LCMT1: variants seen among roughly 807,000 people sequenced by gnomAD.
LCMT1 encodes the protein [Phosphatase 2A protein]-leucine-carboxy methyltransferase 1.
A neutral mutation model predicts 47.7 loss-of-function variants in LCMT1; 32 were observed. That is an observed-to-expected ratio of 0.67 (90% confidence interval 0.51 to 0.90). LCMT1 has a LOEUF of 0.90. LCMT1 is among the 40% of genes least tolerant of loss of function. The probability of loss-of-function intolerance (pLI) is 0.00; values close to 1 mark genes in which losing one functional copy is unlikely to be tolerated. For synonymous variants in LCMT1, 152 were observed against 149.7 expected (o/e 1.02, Z -0.11); for missense variants, 375 against 415.2 (o/e 0.90, Z 0.84).
At chr16:25,115,492 A>C (rs745787473) in intron 1 of LCMT1, among the ~76,000 whole-genome samples, 1 of 152,116 alleles carries the variant, frequency 6.6e-6, no homozygotes, top group Non-Finnish European at 1.5e-5. Flanking sequence ...GAACCTGACT[A>C]TCCTAGTTTG....
At chr16:25,175,597 A>C (rs904452908) in intron 10 of LCMT1, among the ~76,000 whole-genome samples, 10 of 151,894 alleles carry the variant, frequency 6.6e-5, no homozygotes, top group African/African-American at 1.7e-4. Context: ...GCACCATTGC[A>C]CTCCAGCCCG....
chr16:25,170,686 C>G (rs759138563), intron 8 of LCMT1, 28 bp from the exon 9 acceptor site: 11 of 1,565,034 alleles, frequency 7.0e-6, no homozygotes, highest in Admixed American at 5.1e-5. Flanking sequence ...TTCTCTAGTT[C>G]TCCATTTCTC....
intron 10 of LCMT1, 69 bp from the exon 11 acceptor site, chr16:25,177,932 G>A (rs1347513449): frequency 1.4e-6 from 2 of 1,405,436 alleles, no homozygotes; most frequent in African/African-American, 1.4e-5. Context: ...GGTCACTGGG[G>A]GTCCTCTAGG....
chr16:25,157,913 G>A (rs76276629), intron 5 of LCMT1, among the ~76,000 whole-genome samples: 8,050 of 152,212 alleles, frequency 0.053, 229 homozygotes, highest in East Asian at 0.13. Flanking sequence ...AACACACTCA[G>A]CAGTTCTTTT....
rs60975061 is a variant in LCMT1 at position 25,152,541 on chromosome 16, A to T, written c.466+926A>T. ...GTCCTTAGGTCTCTAATCTTCAGTC[A>T]TTCTGTAAAGACCTTGAGTTAGTTG... On this transcript the variant is annotated intron_variant, in intron 5 of 10. Coordinates refer to ENST00000399069, the MANE Select transcript of LCMT1 (RefSeq NM_016309.3). Among the ~76,000 whole-genome samples, 1,335 of 152,308 alleles carry T rather than the reference A, an allele frequency of 8.8e-3. 19 individuals carry two copies. The highest frequency in any genetic ancestry group is 0.031 in the African/African-American group (1,272 of 41,564).
chr16:25,151,730 T>A, intron 5 of LCMT1, 115 bp downstream of exon 5: 2 of 593,562 alleles, frequency 3.4e-6, no homozygotes, highest in Non-Finnish European at 5.8e-6. Context: ...TGTGGTGTTA[T>A]ACAATGTATT....
intron 7 of LCMT1, among the ~76,000 whole-genome samples, chr16:25,166,119 A>G (rs1961580784): frequency 6.6e-6 from 1 of 151,710 alleles, no homozygotes; most frequent in Admixed American, 6.6e-5. Flanking sequence ...AAAATACAAA[A>G]ATTAGCCAGG....
At chr16:25,160,487 G>T (rs548789703) in intron 5 of LCMT1, among the ~76,000 whole-genome samples, 5 of 152,230 alleles carry the variant, frequency 3.3e-5, no homozygotes, top group South Asian at 2.1e-4. Context: ...ACACAAATTG[G>T]CGTAACATTT....
intron 2 of LCMT1, 100 bp downstream of exon 2, chr16:25,128,666 T>G: frequency 1.2e-6 from 1 of 815,780 alleles, no homozygotes; most frequent in Non-Finnish European, 2.0e-6. Context: ...TTTCCAGCTG[T>G]GCGCAAAAGT....
rs1311734272 is a variant in LCMT1 at position 25,128,523 on chromosome 16, T to C, written c.162T>C (p.Phe54=). The part of the protein sequence containing the change: ...GYWHDPYIQH[F]VRLSKERKAP... ...GGCATGACCCTTACATACAGCACTT[T>C]GTGAGACTGTCTAAAGAGAGGAAAG... Residue 54 remains phenylalanine, a synonymous_variant, in exon 2 of 11, where the codon TTT becomes TTC. Transcript: ENST00000399069. 6.2e-7 allele frequency: 1 copy of C among 1,610,138 alleles called. No homozygotes were observed. The highest frequency in any genetic ancestry group is 1.7e-5 in the Admixed American group (1 of 59,438).
chr16:25,145,314 GA>G (rs1188343420), intron 4 of LCMT1: 1 of 152,158 alleles, frequency 6.6e-6, no homozygotes. Flanking sequence ...GGCTGACAAT[GA>G]ACAAGTCATC....
intron 7 of LCMT1, 87 bp from the exon 8 acceptor site, chr16:25,169,025 G>C: frequency 1.0e-6 from 1 of 970,056 alleles, no homozygotes; most frequent in Non-Finnish European, 1.6e-6. Flanking sequence ...GTCAGCCTCG[G>C]CTGCTTAAAA....
chr16:25,128,642 C>A, intron 2 of LCMT1, 76 bp downstream of exon 2: 1 of 1,090,724 alleles, frequency 9.2e-7, no homozygotes, highest in South Asian at 1.4e-5. Context: ...TGAAGGAAGT[C>A]GTGGTGTGCT....
chr16:25,115,371 G>T (rs892679514), intron 1 of LCMT1, among the ~76,000 whole-genome samples: 2 of 152,102 alleles, frequency 1.3e-5, no homozygotes, highest in African/African-American at 4.8e-5. Flanking sequence ...CAAAATGCTG[G>T]TTTAACCAAA....
chr16:25,134,581 G>A (rs1383167447), intron 3 of LCMT1, among the ~76,000 whole-genome samples: 2 of 152,054 alleles, frequency 1.3e-5, no homozygotes, highest in African/African-American at 2.4e-5. Flanking sequence ...CTGTAGATCT[G>A]TTGTATCTTT....
intron 1 of LCMT1, chr16:25,126,266 C>G (rs1321476686): frequency 2.0e-6 from 2 of 990,300 alleles, no homozygotes; most frequent in Admixed American, 6.2e-5. Context: ...TGAGGTCAGT[C>G]CCAGATGCCC....
chr16:25,132,574 T>C, intron 3 of LCMT1, 51 bp downstream of exon 3: 4 of 1,588,734 alleles, frequency 2.5e-6, no homozygotes, highest in Non-Finnish European at 3.4e-6. Context: ...TTTTTTTCGT[T>C]AGATTTTCAC....
chr16:25,132,389 C>A lies in LCMT1; in HGVS notation c.206-13C>A. On this transcript the variant is annotated splice_polypyrimidine_tract_variant and intron_variant, in intron 2 of 10. Transcript: ENST00000399069. The stretch of plus-strand genomic sequence containing the variant: ...GGGTGATAGCTTGTTTCTGTGCCTC[C>A]CCTCCCCCCTAGGATATTTTGCTCG... 1 of 1,612,822 alleles carries A rather than the reference C, an allele frequency of 6.2e-7. No homozygotes were observed. Among genetic ancestry groups the A allele is most frequent in the South Asian group, 1.1e-5 (1 of 91,028 alleles).
At chr16:25,172,270 T>G (rs1003916074) in intron 9 of LCMT1, among the ~76,000 whole-genome samples, 1 of 151,518 alleles carries the variant, frequency 6.6e-6, no homozygotes, top group Non-Finnish European at 1.5e-5. Flanking sequence ...TAGCACCATT[T>G]GTACTCTGGC....
Sources: allele counts gnomAD v4.1 joint callset (sites outside exome capture counted in the v4.1 genomes callset), GRCh38; gene constraint gnomAD v4.1.1; transcripts MANE v1.5; gene names NCBI Gene and HGNC (gene_info 2026-07-23, HGNC 2026-07-21).